Variants in RAB38 observed in about 807,000 individuals in gnomAD.
The protein encoded by RAB38 is ras-related protein Rab-38.
In RAB38, 15 loss-of-function variants were observed where a neutral mutation model predicts 18.4. That is an observed-to-expected ratio of 0.82 (90% confidence interval 0.55 to 1.26). RAB38 has a LOEUF of 1.26. Ranked by LOEUF, RAB38 falls within the 50% of genes most tolerant of loss-of-function variation. The probability of loss-of-function intolerance (pLI) is 0.00; values close to 1 mark genes in which losing one functional copy is unlikely to be tolerated. For missense variants in RAB38, 294 were observed against 267.4 expected (o/e 1.10, Z -0.69); for synonymous variants, 101 against 104.4 (o/e 0.97, Z 0.20).
chr11:88,040,237 T>C, the RAB38 span, among the ~76,000 whole-genome samples: 4,688 of 152,258 alleles, frequency 0.031, 82 homozygotes, highest in Non-Finnish European at 0.049. Context: ...GATCAGAGTA[T>C]CAACAGGACT....
chr11:87,865,693 G>A, the RAB38 span, among the ~76,000 whole-genome samples: 1 of 151,628 alleles, frequency 6.6e-6, no homozygotes, highest in Non-Finnish European at 1.5e-5. Flanking sequence ...AGAGAAGGTA[G>A]AGAAGAAAAG....
At chr11:87,855,806 A>G in the RAB38 span, among the ~76,000 whole-genome samples, 28 of 151,058 alleles carry the variant, frequency 1.9e-4, no homozygotes, top group African/African-American at 6.8e-4. Flanking sequence ...AATCCTTTAA[A>G]TAAACATAAA....
chr11:88,070,484 A>G, the RAB38 span, among the ~76,000 whole-genome samples: 3 of 152,220 alleles, frequency 2.0e-5, no homozygotes, highest in Non-Finnish European at 4.4e-5. Context: ...CAGACACAGT[A>G]TCAGGAAGCA....
chr11:87,858,124 CT>C, the RAB38 span, among the ~76,000 whole-genome samples: 6 of 152,070 alleles, frequency 3.9e-5, no homozygotes, highest in African/African-American at 1.4e-4. Flanking sequence ...ACAGGGAATC[CT>C]TTCCCCATTT....
At chr11:87,856,693 C>A in the RAB38 span, among the ~76,000 whole-genome samples, 1 of 152,044 alleles carries the variant, frequency 6.6e-6, no homozygotes, top group South Asian at 2.1e-4. Flanking sequence ...ACTGCTTCTT[C>A]TTCTTCTCCT....
chr11:88,057,241 G>A, the RAB38 span, among the ~76,000 whole-genome samples: 1 of 152,200 alleles, frequency 6.6e-6, no homozygotes, highest in Non-Finnish European at 1.5e-5. Flanking sequence ...AAGGACACAG[G>A]CATTCAACCA....
At chr11:87,897,434 A>G in the RAB38 span, among the ~76,000 whole-genome samples, 1 of 151,636 alleles carries the variant, frequency 6.6e-6, no homozygotes, top group Non-Finnish European at 1.5e-5. Context: ...TTCTTGGGAA[A>G]TACCCTATTT....
At chr11:87,943,280 G>C in the RAB38 span, among the ~76,000 whole-genome samples, 13 of 152,186 alleles carry the variant, frequency 8.5e-5, no homozygotes, top group East Asian at 2.5e-3. Flanking sequence ...AAGACAAATA[G>C]ATAATTTAAA....
At chr11:87,841,830 T>A in the RAB38 span, among the ~76,000 whole-genome samples, 1 of 152,188 alleles carries the variant, frequency 6.6e-6, no homozygotes, top group Non-Finnish European at 1.5e-5. Flanking sequence ...CTGGGCAACA[T>A]GGGGTGTATA....
the RAB38 span, among the ~76,000 whole-genome samples, chr11:87,895,415 C>A: frequency 2.0e-5 from 3 of 151,734 alleles, no homozygotes; most frequent in African/African-American, 7.2e-5. Flanking sequence ...AACAGCCAGG[C>A]TCCTTAAGCC....
At position 88,175,186 on chromosome 11, in the gene RAB38, C is replaced by A. The variant is rs777613432; in HGVS notation, c.199G>T (p.Ala67Ser). Residue 67 changes from alanine (A) to serine (S), a missense_variant, in exon 1 of 3, where the codon GCA becomes TCA. Transcript: ENST00000243662. ...GACCCCCTCCCCCCGCGCTCACCTG[C>A]GATATCCCAGAGCTGCAGGCGCACC... ...TVVRLQLWDI[A>S]GQERFGNMTR... The A allele has an allele frequency of 1.0e-5, 16 of 1,604,550 alleles. No individual in the cohort carries two copies. Among genetic ancestry groups the A allele is most frequent in the East Asian group, 2.2e-5 (1 of 44,652 alleles).
chr11:88,040,375 T>C, the RAB38 span, among the ~76,000 whole-genome samples: 3 of 152,144 alleles, frequency 2.0e-5, no homozygotes, highest in Non-Finnish European at 4.4e-5. Flanking sequence ...TATTGGATTA[T>C]GGTTCACTCT....
chr11:88,104,907 T>G, the RAB38 span, among the ~76,000 whole-genome samples: 1 of 152,138 alleles, frequency 6.6e-6, no homozygotes, highest in African/African-American at 2.4e-5. Flanking sequence ...AAATCATTTA[T>G]CAAATCCCTT....
At chr11:87,835,244 C>A in the RAB38 span, among the ~76,000 whole-genome samples, 1 of 152,112 alleles carries the variant, frequency 6.6e-6, no homozygotes, top group African/African-American at 2.4e-5. Flanking sequence ...CCAGCCAGAA[C>A]TATTGGATGA....
At chr11:87,829,348 T>C in the RAB38 span, among the ~76,000 whole-genome samples, 1 of 152,186 alleles carries the variant, frequency 6.6e-6, no homozygotes, top group African/African-American at 2.4e-5. Flanking sequence ...TTCTCACTGC[T>C]AGAAAGACAT....
the RAB38 span, among the ~76,000 whole-genome samples, chr11:87,943,127 A>G: frequency 2.2e-4 from 33 of 152,254 alleles, no homozygotes; most frequent in East Asian, 5.2e-3. Flanking sequence ...TGGGAACAGA[A>G]TAAGAGATAA....
At chr11:87,829,795 A>T in the RAB38 span, among the ~76,000 whole-genome samples, 3 of 152,280 alleles carry the variant, frequency 2.0e-5, no homozygotes, top group South Asian at 4.1e-4. Context: ...GTGGATAGTG[A>T]GGTATAAGGA....
chr11:87,923,551 G>C, the RAB38 span, among the ~76,000 whole-genome samples: 3 of 111,940 alleles, frequency 2.7e-5, no homozygotes, highest in Admixed American at 2.4e-4. Context: ...TTAATTCTGT[G>C]TGTGTGTGTG....
chr11:88,094,989 T>C, the RAB38 span, among the ~76,000 whole-genome samples: 1 of 151,818 alleles, frequency 6.6e-6, no homozygotes, highest in African/African-American at 2.4e-5. Flanking sequence ...TGGAGAAACA[T>C]TATTTCGCCT....
Sources: allele counts gnomAD v4.1 joint callset (sites outside exome capture counted in the v4.1 genomes callset), GRCh38; gene constraint gnomAD v4.1.1; transcripts MANE v1.5; gene names NCBI Gene and HGNC (gene_info 2026-07-23, HGNC 2026-07-21).